SHANK2: variants seen among roughly 807,000 people sequenced by gnomAD.
SHANK2 encodes SH3 and multiple ankyrin repeat domains protein 2.
In SHANK2, 43 loss-of-function variants were observed where a neutral mutation model predicts 133.7. The ratio of observed to expected loss-of-function variants is 0.32; its 90% CI spans 0.25 to 0.41. The LOEUF (loss-of-function observed/expected upper bound fraction) is 0.41. Among genes scored for constraint, SHANK2 ranks in the 10% least tolerant of loss-of-function variants. SHANK2 has a pLI of 1.00. For missense variants in SHANK2, 1,994 were observed against 2,235.8 expected, an observed-to-expected ratio of 0.89 and a Z score of 2.18; for synonymous variants, 1,017 against 952.8, an observed-to-expected ratio of 1.07 and a Z score of -1.24.
intron 17 of SHANK2, among the ~76,000 whole-genome samples, chr11:70,607,630 G>A (rs1382975746): frequency 6.6e-6 from 1 of 152,240 alleles, no homozygotes; most frequent in African/African-American, 2.4e-5. Flanking sequence ...CAGCTTGGAA[G>A]AAGGCATGGC....
intron 11 of SHANK2, among the ~76,000 whole-genome samples, chr11:70,884,651 T>C (rs150651338): frequency 6.6e-6 from 1 of 152,186 alleles, no homozygotes; most frequent in African/African-American, 2.4e-5. Context: ...CGGTGTCCGG[T>C]CCCCCCCACC....
chr11:71,240,961 A>G (rs1039600223), intron 1 of SHANK2: 1 of 152,214 alleles, frequency 6.6e-6, no homozygotes, highest in Admixed American at 6.5e-5. Flanking sequence ...AGGAGACACC[A>G]TTTCCCACGC....
At chr11:71,113,085 A>T (rs1555099699) in intron 5 of SHANK2, among the ~76,000 whole-genome samples, 1 of 152,050 alleles carries the variant, frequency 6.6e-6, no homozygotes, top group Non-Finnish European at 1.5e-5. Flanking sequence ...ACCCACGGCC[A>T]CACTAAGCAG....
At chr11:71,227,082 C>A (rs766711704) in intron 1 of SHANK2, among the ~76,000 whole-genome samples, 4 of 151,912 alleles carry the variant, frequency 2.6e-5, no homozygotes, top group Non-Finnish European at 5.9e-5. Context: ...ACTTAAAAAG[C>A]TATACAAAGA....
chr11:71,239,386 GATA>G (rs1555124105), intron 1 of SHANK2, among the ~76,000 whole-genome samples: 2 of 152,210 alleles, frequency 1.3e-5, no homozygotes, highest in Non-Finnish European at 2.9e-5. Flanking sequence ...CGTTAATAAT[GATA>G]ATGATGATGA....
Position 70,500,642 on chromosome 11 carries a change from C to T in SHANK2, c.2288-52G>A, listed in dbSNP as rs781960077. On this transcript the variant is annotated intron_variant, in intron 20 of 25. Coordinates refer to ENST00000601538, the MANE Select transcript of SHANK2 (RefSeq NM_012309.5). The surrounding 1 kb of genome is among the most constrained non-coding windows in gnomAD (Gnocchi z 4.5). ...GAGCCACCAGGATGCAGCGCCCGCC[C>T]GCAGCCTACACTCGGGCCTTGTCAG... is the stretch of plus-strand genomic sequence containing the variant. 210 of 1,580,784 alleles carry T rather than the reference C, an allele frequency of 1.3e-4. No individual in the cohort carries two copies. The highest frequency in any genetic ancestry group is 1.7e-4 in the Non-Finnish European group (194 of 1,163,966).
chr11:71,186,469 T>C (rs1953674886), intron 2 of SHANK2, among the ~76,000 whole-genome samples: 1 of 152,200 alleles, frequency 6.6e-6, no homozygotes, highest in African/African-American at 2.4e-5. Flanking sequence ...CCTATGGAGG[T>C]CCCTCTTGCA....
chr11:70,610,232 T>C (rs76386149), intron 17 of SHANK2, among the ~76,000 whole-genome samples: 2,581 of 152,172 alleles, frequency 0.017, 65 homozygotes, highest in African/African-American at 0.06. Context: ...AAAACAGTTA[T>C]GGGACCAATG....
chr11:70,475,288 T>G (rs2058648575), intron 25 of SHANK2: 1 of 152,178 alleles, frequency 6.6e-6, no homozygotes, highest in South Asian at 2.1e-4. Context: ...ACCAGGTGTC[T>G]GCAATTAACA....
At chr11:70,597,570 T>A (rs1415474183) in intron 17 of SHANK2, among the ~76,000 whole-genome samples, 8 of 152,142 alleles carry the variant, frequency 5.3e-5, no homozygotes, top group Non-Finnish European at 1.2e-4. Context: ...AGCAGGCATA[T>A]CAGAAAATAC....
At chr11:71,060,831 C>T (rs1462369281) in intron 9 of SHANK2, among the ~76,000 whole-genome samples, 3 of 152,070 alleles carry the variant, frequency 2.0e-5, no homozygotes, top group Non-Finnish European at 2.9e-5. Flanking sequence ...ATGCAGCAGC[C>T]GATATAGGGT....
chr11:71,165,982 C>T (rs759610041), intron 2 of SHANK2, among the ~76,000 whole-genome samples: 217 of 152,266 alleles, frequency 1.4e-3, no homozygotes, highest in Admixed American at 2.5e-3. Flanking sequence ...TCCAACCTCC[C>T]GCGTGCTGCA....
At chr11:70,658,222 C>G (rs28499238) in intron 17 of SHANK2, among the ~76,000 whole-genome samples, 1 of 118,034 alleles carries the variant, frequency 8.5e-6, no homozygotes, top group East Asian at 2.2e-4. Context: ...CACACACACA[C>G]ACACACACAC....
chr11:71,179,484 A>G (rs1348125621), intron 2 of SHANK2, among the ~76,000 whole-genome samples: 1 of 152,234 alleles, frequency 6.6e-6, no homozygotes, highest in African/African-American at 2.4e-5. Flanking sequence ...GCATCTCTGA[A>G]AAACCCACAG....
intron 17 of SHANK2, among the ~76,000 whole-genome samples, chr11:70,511,323 C>T (rs1255418295): frequency 3.9e-5 from 6 of 152,246 alleles, no homozygotes; most frequent in Admixed American, 3.9e-4. Flanking sequence ...TAGAATTTCC[C>T]AGCCTTTAAA....
chr11:70,905,517 T>C (rs140897610), intron 10 of SHANK2, among the ~76,000 whole-genome samples: 18 of 152,292 alleles, frequency 1.2e-4, no homozygotes, highest in African/African-American at 4.3e-4. Context: ...TCCGAATTCA[T>C]GTGTTGAAAT....
intron 3 of SHANK2, among the ~76,000 whole-genome samples, chr11:71,124,841 C>T (rs1166126164): frequency 2.0e-5 from 3 of 152,130 alleles, no homozygotes; most frequent in East Asian, 3.8e-4. Flanking sequence ...TGGAGGTTTG[C>T]GGCAACTCCG....
chr11:71,156,463 G>A (rs1590969808), intron 2 of SHANK2, among the ~76,000 whole-genome samples: 1 of 152,058 alleles, frequency 6.6e-6, no homozygotes, highest in Admixed American at 6.6e-5. Flanking sequence ...TTCTCTCCCC[G>A]TTCAGCCAAA....
At chr11:71,059,796 A>G (rs1340525789) in intron 9 of SHANK2, among the ~76,000 whole-genome samples, 1 of 152,166 alleles carries the variant, frequency 6.6e-6, no homozygotes, top group Non-Finnish European at 1.5e-5. Flanking sequence ...GTTCTCCAGC[A>G]TCCTGGGGCC....
Sources: gnomAD v4.1 joint callset for allele counts (sites outside exome capture counted in the v4.1 genomes callset) on GRCh38, gnomAD v4.1.1 for gene constraint, Gnocchi (gnomAD v3.1) non-coding constraint, MANE v1.5 for transcripts, NCBI Gene and HGNC (gene_info 2026-07-23, HGNC 2026-07-21) for gene names.